RYR2: variants seen among roughly 807,000 people sequenced by gnomAD.
RYR2 encodes the protein ryanodine receptor 2.
Under a neutral mutation model 601.1 loss-of-function variants are expected in RYR2, and 227 were observed. The observed-to-expected ratio is 0.38, with a 90% confidence interval of 0.34 to 0.42. The LOEUF (loss-of-function observed/expected upper bound fraction) is 0.42, where lower values mean the gene tolerates loss of function less well. Ranked by LOEUF, RYR2 falls within the 10% of genes least tolerant of loss-of-function variation. The pLI is 1.00. For missense variants in RYR2, 4,646 were observed against 6,156.5 expected, an observed-to-expected ratio of 0.75 and a Z score of 8.21; for synonymous variants, 2,223 against 2,175.1, an observed-to-expected ratio of 1.02 and a Z score of -0.61.
chr1:237,573,864 A>C (rs1672962879), intron 29 of RYR2, among the ~76,000 whole-genome samples: 1 of 151,990 alleles, frequency 6.6e-6, no homozygotes, highest in Non-Finnish European at 1.5e-5. Context: ...AAGGGGCTGC[A>C]GACCTCTTCC....
chr1:237,518,470 G>A (rs752273745), intron 24 of RYR2, among the ~76,000 whole-genome samples: 17 of 151,942 alleles, frequency 1.1e-4, no homozygotes, highest in Non-Finnish European at 1.2e-4. Flanking sequence ...GTCCATGTGT[G>A]CACATTTTTT....
intron 82 of RYR2, among the ~76,000 whole-genome samples, chr1:237,759,275 A>G: frequency 6.6e-6 from 1 of 151,890 alleles, no homozygotes; most frequent in East Asian, 1.9e-4. Context: ...TTTAGTAGAG[A>G]CGGGGTTTCA....
chr1:237,201,849 A>G (rs1681228048), intron 1 of RYR2, among the ~76,000 whole-genome samples: 1 of 152,144 alleles, frequency 6.6e-6, no homozygotes, highest in African/African-American at 2.4e-5. Flanking sequence ...AAGGTGACGT[A>G]TATTCAGGAT....
chr1:237,432,021 T>G (rs1289409320), intron 12 of RYR2, among the ~76,000 whole-genome samples: 1 of 152,150 alleles, frequency 6.6e-6, no homozygotes, highest in Admixed American at 6.5e-5. Context: ...GCTCCTATCA[T>G]TTTAGAAGCA....
chr1:237,691,067 A>G (rs905156756), intron 63 of RYR2, among the ~76,000 whole-genome samples: 1 of 152,124 alleles, frequency 6.6e-6, no homozygotes, highest in African/African-American at 2.4e-5. Flanking sequence ...ATTGATTATC[A>G]ATGGGATTAC....
At chr1:237,147,711 A>G (rs942411257) in intron 1 of RYR2, among the ~76,000 whole-genome samples, 3 of 152,238 alleles carry the variant, frequency 2.0e-5, no homozygotes, top group Non-Finnish European at 2.9e-5. Context: ...TCCTCATGGT[A>G]TACCTGGCAC....
At chr1:237,716,348 T>C (rs1689262023) in intron 71 of RYR2, among the ~76,000 whole-genome samples, 1 of 152,100 alleles carries the variant, frequency 6.6e-6, no homozygotes, top group Non-Finnish European at 1.5e-5. Context: ...AATATTAAAA[T>C]ATTTTTCATT....
chr1:237,385,024 G>C (rs1701853085), intron 8 of RYR2, among the ~76,000 whole-genome samples: 1 of 151,892 alleles, frequency 6.6e-6, no homozygotes, highest in Non-Finnish European at 1.5e-5. Context: ...TGAGTAACTG[G>C]GATTACAAGT....
At chr1:237,743,000 T>C (rs1691744180) in intron 80 of RYR2, among the ~76,000 whole-genome samples, 1 of 152,212 alleles carries the variant, frequency 6.6e-6, no homozygotes, top group Admixed American at 6.5e-5. Flanking sequence ...TGTACTTTCG[T>C]TTTTTATGAG....
chr1:237,396,234 G>A (rs1558747471), intron 10 of RYR2, among the ~76,000 whole-genome samples: 1 of 152,102 alleles, frequency 6.6e-6, no homozygotes, highest in Non-Finnish European at 1.5e-5. Flanking sequence ...CAACCTGAGT[G>A]AGTAGAAAAC....
chr1:237,642,758 A>G (rs1156378449), intron 47 of RYR2, among the ~76,000 whole-genome samples: 1 of 152,182 alleles, frequency 6.6e-6, no homozygotes, highest in African/African-American at 2.4e-5. Flanking sequence ...ATCCACAGTC[A>G]TCCTGGATAC....
chr1:237,187,988 A>G (rs1679553733), intron 1 of RYR2, among the ~76,000 whole-genome samples: 1 of 152,138 alleles, frequency 6.6e-6, no homozygotes, highest in Non-Finnish European at 1.5e-5. Context: ...TTCCCTCTTC[A>G]TACTTTAACT....
At chr1:237,632,617 T>A (rs1404033658) in intron 42 of RYR2, among the ~76,000 whole-genome samples, 1 of 151,852 alleles carries the variant, frequency 6.6e-6, no homozygotes, top group South Asian at 2.1e-4. Flanking sequence ...AGGATGGTCT[T>A]GATCTCCTGA....
rs546324542 is a variant in RYR2, at chr1:237,267,427, G to A, written c.49-3070G>A. On this transcript the variant is annotated intron_variant, in intron 1 of 104. Transcript: ENST00000366574. ...CCCAGCTACTTGAGAAGCTGAAGCA[G>A]GAGAATCACTTGAACCCAGGAGGTG... is the stretch of plus-strand genomic sequence containing the variant. 7.2e-5 allele frequency among the ~76,000 whole-genome samples: 11 copies of A among 152,294 alleles called. No homozygotes were observed. In the South Asian group the frequency reaches 2.3e-3, roughly 32 times the overall value.
chr1:237,151,162 A>G (rs1674669464), intron 1 of RYR2, among the ~76,000 whole-genome samples: 1 of 152,146 alleles, frequency 6.6e-6, no homozygotes, highest in Admixed American at 6.5e-5. Context: ...ACTGTGCCTG[A>G]GCTTTCATTT....
chr1:237,824,295 C>T (rs1574099963), intron 101 of RYR2, among the ~76,000 whole-genome samples: 1 of 152,092 alleles, frequency 6.6e-6, no homozygotes. Context: ...ACTGGCAAAC[C>T]AAATCCAGCA....
At chr1:237,096,442 C>T (rs1336164166) in intron 1 of RYR2, among the ~76,000 whole-genome samples, 1 of 152,166 alleles carries the variant, frequency 6.6e-6, no homozygotes, top group Non-Finnish European at 1.5e-5. Flanking sequence ...GGTTTCTTTA[C>T]AGCAATAGGT....
chr1:237,480,822 G>A (rs1264785457), intron 17 of RYR2, among the ~76,000 whole-genome samples: 1 of 152,016 alleles, frequency 6.6e-6, no homozygotes, highest in African/African-American at 2.4e-5. Context: ...CCCTCATTCT[G>A]TATATGGATA....
At chr1:237,571,395 A>C (rs1213086487) in intron 29 of RYR2, among the ~76,000 whole-genome samples, 1 of 150,114 alleles carries the variant, frequency 6.7e-6, no homozygotes, top group Non-Finnish European at 1.5e-5. Context: ...ACTCACTGCA[A>C]CCTCCGCCTC....
Sources: gnomAD v4.1 joint callset for allele counts (sites outside exome capture counted in the v4.1 genomes callset) on GRCh38, gnomAD v4.1.1 for gene constraint, MANE v1.5 for transcripts, NCBI Gene and HGNC (gene_info 2026-07-23, HGNC 2026-07-21) for gene names.